Variants in VWC2L observed in about 807,000 individuals in gnomAD.
VWC2L encodes the protein von Willebrand factor C domain containing 2 like, also known as von Willebrand factor C domain-containing protein 2-like.
In VWC2L, 10 loss-of-function variants were observed where a neutral mutation model predicts 21.6. The observed-to-expected ratio is 0.46, with a 90% CI of 0.29 to 0.78. The LOEUF (loss-of-function observed/expected upper bound fraction) is 0.78, where lower values mean the gene tolerates loss of function less well. Ranked by LOEUF, VWC2L falls within the 30% of genes least tolerant of loss-of-function variation. The probability of loss-of-function intolerance (pLI) is 0.10; values close to 1 mark genes in which losing one functional copy is unlikely to be tolerated. For synonymous variants in VWC2L, 96 were observed against 94.3 expected, an observed-to-expected ratio of 1.02 and a Z score of -0.10; for missense variants, 209 against 277.1, an observed-to-expected ratio of 0.75 and a Z score of 1.74.
chr2:214,416,951 C>T (rs1702366208), intron 2 of VWC2L, among the ~76,000 whole-genome samples: 1 of 152,116 alleles, frequency 6.6e-6, no homozygotes, highest in Non-Finnish European at 1.5e-5. Context: ...TCCTCTATGG[C>T]TTTGCCTACA....
In VWC2L at chr2:214,500,754, T is replaced by C. The variant is rs557736517; in HGVS notation, c.520+63996T>C. Among the ~76,000 whole-genome samples, 14 of 152,348 alleles carry C rather than the reference T, an allele frequency of 9.2e-5. No individual in the cohort carries two copies. The South Asian group carries it at 2.9e-3, about 32-fold the overall frequency. ...TAGTAAGAATGAAGGAGAGAATCAG[T>C]ATCAGGTAGACAACTAGGCCCAGGT... On this transcript the variant is annotated intron_variant, in intron 3 of 3. Transcript: ENST00000312504.
intron 3 of VWC2L, among the ~76,000 whole-genome samples, chr2:214,465,923 T>G (rs1048043248): frequency 3.9e-5 from 6 of 152,178 alleles, no homozygotes; most frequent in Admixed American, 2.0e-4. Context: ...TGAGTTCCAA[T>G]GCAAAGTTGC....
chr2:214,451,311 G>GGT (rs1553586400), intron 3 of VWC2L, among the ~76,000 whole-genome samples: 1 of 150,118 alleles, frequency 6.7e-6, no homozygotes, highest in East Asian at 2.0e-4. Flanking sequence ...GTCGGTGTGG[G>GGT]GGGGGGGGGC....
chr2:214,466,325 G>GT (rs890542423), intron 3 of VWC2L, among the ~76,000 whole-genome samples: 21 of 151,974 alleles, frequency 1.4e-4, no homozygotes, highest in African/African-American at 4.6e-4. Flanking sequence ...TCACTTGCAT[G>GT]TTTTTTCTGA....
intron 3 of VWC2L, among the ~76,000 whole-genome samples, chr2:214,556,419 G>A (rs1036725209): frequency 3.3e-5 from 5 of 152,150 alleles, no homozygotes; most frequent in Non-Finnish European, 7.4e-5. Context: ...GTCTTAACTT[G>A]AGGGATTCCC....
intron 3 of VWC2L, among the ~76,000 whole-genome samples, chr2:214,565,072 C>G (rs1245194498): frequency 1.3e-5 from 2 of 152,192 alleles, no homozygotes; most frequent in Non-Finnish European, 2.9e-5. Context: ...TCAACAATAA[C>G]TCATGGAAAT....
intron 3 of VWC2L, among the ~76,000 whole-genome samples, chr2:214,466,673 T>C (rs911951435): frequency 1.3e-5 from 2 of 152,220 alleles, no homozygotes; most frequent in African/African-American, 4.8e-5. Flanking sequence ...CTACTATTGT[T>C]TTCAATCCTA....
intron 3 of VWC2L, among the ~76,000 whole-genome samples, chr2:214,570,131 A>G (rs1366237614): frequency 1.3e-5 from 2 of 152,120 alleles, no homozygotes; most frequent in African/African-American, 4.8e-5. Context: ...AAGGTGCTTT[A>G]TGGTCTATCT....
intron 3 of VWC2L, among the ~76,000 whole-genome samples, chr2:214,506,015 G>C (rs1688963175): frequency 6.6e-6 from 1 of 152,020 alleles, no homozygotes; most frequent in Non-Finnish European, 1.5e-5. Flanking sequence ...TGGCTTTATT[G>C]CTTAATAATA....
intron 3 of VWC2L, among the ~76,000 whole-genome samples, chr2:214,441,744 G>A (rs1702765443): frequency 6.6e-6 from 1 of 151,762 alleles, no homozygotes; most frequent in African/African-American, 2.4e-5. Flanking sequence ...AAAGACTACT[G>A]ATATTTTTTA....
At chr2:214,569,589 A>G (rs1030895612) in intron 3 of VWC2L, among the ~76,000 whole-genome samples, 5 of 152,186 alleles carry the variant, frequency 3.3e-5, no homozygotes, top group Admixed American at 1.3e-4. Flanking sequence ...TCGCAAGCCA[A>G]TATGAGGCAC....
intron 3 of VWC2L, among the ~76,000 whole-genome samples, chr2:214,575,136 A>C (rs1484804753): frequency 6.6e-6 from 1 of 152,022 alleles, no homozygotes; most frequent in Non-Finnish European, 1.5e-5. Context: ...TGAATAAATC[A>C]TCTGGTCATG....
At chr2:214,462,832 G>T (rs1303738178) in intron 3 of VWC2L, among the ~76,000 whole-genome samples, 1 of 151,868 alleles carries the variant, frequency 6.6e-6, no homozygotes, top group Non-Finnish European at 1.5e-5. Flanking sequence ...ATTTTGATAG[G>T]TTGACTTTAC....
At chr2:214,525,644 A>T (rs1005057784) in intron 3 of VWC2L, among the ~76,000 whole-genome samples, 9 of 152,160 alleles carry the variant, frequency 5.9e-5, no homozygotes, top group African/African-American at 2.2e-4. Flanking sequence ...CATTCCTCAC[A>T]TCCCTACCAT....
intron 3 of VWC2L, among the ~76,000 whole-genome samples, chr2:214,571,621 C>G (rs1690150508): frequency 6.6e-6 from 1 of 152,152 alleles, no homozygotes; most frequent in Non-Finnish European, 1.5e-5. Context: ...TTGTCAGACA[C>G]AGTAGTAGAC....
At chr2:214,467,195 C>T (rs956095136) in intron 3 of VWC2L, among the ~76,000 whole-genome samples, 1 of 152,182 alleles carries the variant, frequency 6.6e-6, no homozygotes, top group Non-Finnish European at 1.5e-5. Context: ...ATAAGGCTTT[C>T]TAATGTAGCT....
intron 3 of VWC2L, among the ~76,000 whole-genome samples, chr2:214,482,856 A>G (rs567422445): frequency 6.6e-6 from 1 of 152,164 alleles, no homozygotes; most frequent in African/African-American, 2.4e-5. Context: ...TTTCTCCCTA[A>G]GACCTATTGT....
chr2:214,529,567 G>C (rs1001380496), intron 3 of VWC2L, among the ~76,000 whole-genome samples: 6 of 152,128 alleles, frequency 3.9e-5, no homozygotes, highest in Non-Finnish European at 8.8e-5. Context: ...TTAGGCACTG[G>C]AAACCATGGA....
intron 2 of VWC2L, among the ~76,000 whole-genome samples, chr2:214,430,569 T>G (rs1348578772): frequency 6.6e-6 from 1 of 152,210 alleles, no homozygotes; most frequent in Admixed American, 6.5e-5. Context: ...TATTTCTGAA[T>G]TGTAGTTTAT....
Sources: allele counts gnomAD v4.1 joint callset (sites outside exome capture counted in the v4.1 genomes callset), GRCh38; gene constraint gnomAD v4.1.1; transcripts MANE v1.5; gene names NCBI Gene and HGNC (gene_info 2026-07-23, HGNC 2026-07-21).